TFEC: variants seen among roughly 807,000 people sequenced by gnomAD.
TFEC encodes the protein class E basic helix-loop-helix protein 34.
TFEC carries 31 observed loss-of-function variants against 41.6 expected under a neutral mutation model. The ratio of observed to expected loss-of-function variants is 0.74; its 90% CI spans 0.56 to 1.01. The LOEUF is 1.01. Among genes scored for constraint, TFEC ranks in the 50% least tolerant of loss-of-function variants. The pLI, the probability that TFEC is intolerant of heterozygous loss-of-function variation, is 0.00. For synonymous variants in TFEC, 143 were observed against 140.6 expected (o/e 1.02, Z -0.12); for missense variants, 402 against 404.1 (o/e 0.99, Z 0.04).
At chr7:115,958,544 C>A (rs1388250277) in intron 3 of TFEC, among the ~76,000 whole-genome samples, 1 of 151,746 alleles carries the variant, frequency 6.6e-6, no homozygotes, top group African/African-American at 2.4e-5. Context: ...TGGCAAGTTG[C>A]AGAAATGTTA....
intron 1 of TFEC, among the ~76,000 whole-genome samples, chr7:116,130,493 C>T (rs771931583): frequency 2.6e-5 from 4 of 152,220 alleles, no homozygotes; most frequent in Non-Finnish European, 5.9e-5. Context: ...CGATAAGAGA[C>T]AAGTGGTCAG....
intron 3 of TFEC, among the ~76,000 whole-genome samples, chr7:116,105,244 C>G (rs1026326946): frequency 6.6e-6 from 1 of 152,174 alleles, no homozygotes; most frequent in African/African-American, 2.4e-5. Context: ...ATCCCCTACT[C>G]TGGCACAAAA....
intron 1 of TFEC, among the ~76,000 whole-genome samples, chr7:116,130,045 AACACAC>A (rs56872188): frequency 0.094 from 13,303 of 142,184 alleles, 650 homozygotes; most frequent in Non-Finnish European, 0.13. Flanking sequence ...AACATGCAAG[AACACAC>A]ACACACACAC....
intron 3 of TFEC, among the ~76,000 whole-genome samples, chr7:116,082,620 C>G (rs1474502574): frequency 6.6e-6 from 1 of 151,900 alleles, no homozygotes; most frequent in Non-Finnish European, 1.5e-5. Context: ...AATTTGTAGA[C>G]TCATTGATTT....
chr7:116,022,543 T>G (rs969689353), intron 1 of TFEC, among the ~76,000 whole-genome samples: 20 of 152,156 alleles, frequency 1.3e-4, no homozygotes, highest in Non-Finnish European at 2.5e-4. Context: ...AACAACTCAA[T>G]TCTCAGAGTT....
At chr7:116,094,013 G>A (rs373773326) in intron 3 of TFEC, among the ~76,000 whole-genome samples, 4 of 152,110 alleles carry the variant, frequency 2.6e-5, no homozygotes, top group Admixed American at 6.6e-5. Context: ...AAAGTGAGTC[G>A]AATTTACAAA....
chr7:115,955,775 T>C (rs147272972), intron 4 of TFEC, among the ~76,000 whole-genome samples: 2 of 152,162 alleles, frequency 1.3e-5, no homozygotes, highest in South Asian at 2.1e-4. Flanking sequence ...TTTAAAAAGT[T>C]AATAAGATAA....
chr7:116,021,781 G>A (rs915973661), intron 1 of TFEC, among the ~76,000 whole-genome samples: 3 of 152,118 alleles, frequency 2.0e-5, no homozygotes, highest in African/African-American at 7.2e-5. Context: ...TGACTGACTT[G>A]AGCAGTCAAG....
At chr7:115,974,557 AAT>A (rs1352535721) in intron 2 of TFEC, among the ~76,000 whole-genome samples, 2 of 149,042 alleles carry the variant, frequency 1.3e-5, no homozygotes, top group African/African-American at 4.9e-5. Context: ...CAACTTGACA[AAT>A]CACCCTGGGC....
At chr7:116,006,865 A>T (rs1161251004) in intron 1 of TFEC, among the ~76,000 whole-genome samples, 1 of 152,100 alleles carries the variant, frequency 6.6e-6, no homozygotes, top group East Asian at 1.9e-4. Flanking sequence ...TGTTCTCATG[A>T]TAGTGAGTAA....
At chr7:116,103,303 T>C (rs1452565434) in intron 3 of TFEC, among the ~76,000 whole-genome samples, 1 of 152,114 alleles carries the variant, frequency 6.6e-6, no homozygotes, top group East Asian at 1.9e-4. Context: ...AAGTTCGTTT[T>C]CTCTCTGGTA....
chr7:116,100,093 G>C (rs1797570500), intron 3 of TFEC, among the ~76,000 whole-genome samples: 1 of 152,034 alleles, frequency 6.6e-6, no homozygotes, highest in South Asian at 2.1e-4. Context: ...TCCAATTTCT[G>C]CCTGCCTTTG....
At chr7:115,951,719 T>G (rs1249673398) in intron 5 of TFEC, among the ~76,000 whole-genome samples, 1 of 152,078 alleles carries the variant, frequency 6.6e-6, no homozygotes, top group Non-Finnish European at 1.5e-5. Flanking sequence ...ATACTGTTTT[T>G]GTGGGGCCAA....
At chr7:115,946,973 G>A (rs749561434) in intron 6 of TFEC, among the ~76,000 whole-genome samples, 1 of 150,974 alleles carries the variant, frequency 6.6e-6, no homozygotes, top group African/African-American at 2.4e-5. Flanking sequence ...CCAATGTGCA[G>A]GTTAGTTACA....
chr7:116,127,667 G>A (rs1798242531), intron 1 of TFEC, among the ~76,000 whole-genome samples: 1 of 147,952 alleles, frequency 6.8e-6, no homozygotes, highest in African/African-American at 2.5e-5. Flanking sequence ...ACTCCAGCCT[G>A]GGCAACAGAG....
intron 3 of TFEC, among the ~76,000 whole-genome samples, chr7:116,106,747 TC>T (rs1562971259): frequency 6.6e-6 from 1 of 152,140 alleles, no homozygotes; most frequent in Non-Finnish European, 1.5e-5. Context: ...AAAAAAAATC[TC>T]AGCTTTTTGA....
intron 1 of TFEC, among the ~76,000 whole-genome samples, chr7:116,005,338 G>C (rs1794748554): frequency 6.6e-6 from 1 of 152,202 alleles, no homozygotes; most frequent in African/African-American, 2.4e-5. Flanking sequence ...GAATGGCTTT[G>C]ATGAAAAGCC....
chr7:116,139,368 C>G (rs1798495161), intron 1 of TFEC, among the ~76,000 whole-genome samples: 1 of 152,194 alleles, frequency 6.6e-6, no homozygotes, highest in African/African-American at 2.4e-5. Context: ...CCATCCCGCA[C>G]AGTGTCAGAA....
chr7:116,103,414 T>C lies in TFEC; in HGVS notation c.198+7294A>G, dbSNP rs556604963. On this transcript the variant is annotated intron_variant, in intron 3 of 8. Coordinates refer to the TFEC transcript ENST00000484212. ...GTCTCAAAAAAGTTGTGAAAGACAA[T>C]GACTTGAACCTAAACTCTAGAAACC... Among the ~76,000 whole-genome samples the C allele has an allele frequency of 3.9e-5, 6 of 152,236 alleles. No individual in the cohort carries two copies. In the South Asian group the frequency reaches 1.2e-3, roughly 32 times the overall value.
Sources: allele counts gnomAD v4.1 joint callset (sites outside exome capture counted in the v4.1 genomes callset), GRCh38; gene constraint gnomAD v4.1.1; transcripts MANE v1.5; gene names NCBI Gene and HGNC (gene_info 2026-07-23, HGNC 2026-07-21).